ZRANB3: variants seen among roughly 807,000 people sequenced by gnomAD.
ZRANB3 encodes DNA annealing helicase and endonuclease ZRANB3.
ZRANB3 carries 125 observed loss-of-function variants against 133.8 expected under a neutral mutation model. The observed-to-expected ratio is 0.93, with a 90% CI of 0.81 to 1.08. The LOEUF (loss-of-function observed/expected upper bound fraction) is 1.08, where lower values mean the gene tolerates loss of function less well. ZRANB3 is among the 50% of genes least tolerant of loss of function. The probability of loss-of-function intolerance (pLI) is 0.00; values close to 1 mark genes in which losing one functional copy is unlikely to be tolerated. For synonymous variants in ZRANB3, 387 were observed against 432.7 expected (o/e 0.89, Z 1.31); for missense variants, 1,229 against 1,275.5 (o/e 0.96, Z 0.56).
intron 3 of ZRANB3, among the ~76,000 whole-genome samples, chr2:135,373,800 A>AGAGGGGGGGGGAGGGGAGGGGAGGG (rs1686290422): frequency 1.4e-4 from 2 of 14,168 alleles, no homozygotes; most frequent in East Asian, 1.7e-3. Context: ...AAGAAAAGAA[A>AGAGGGGGGGGGAGGGGAGGGGAGGG]GAGGGGAGGG....
intron 2 of ZRANB3, among the ~76,000 whole-genome samples, chr2:135,428,955 C>T (rs1689206358): frequency 6.6e-6 from 1 of 152,140 alleles, no homozygotes; most frequent in South Asian, 2.1e-4. Flanking sequence ...ATTAGTTCAG[C>T]CACTGTGGAA....
intron 8 of ZRANB3, among the ~76,000 whole-genome samples, chr2:135,296,996 T>C (rs1301872567): frequency 6.6e-6 from 1 of 152,258 alleles, no homozygotes; most frequent in Non-Finnish European, 1.5e-5. Flanking sequence ...TACTGGGGGC[T>C]GCCTCCCAGT....
At chr2:135,510,040 A>T (rs1220901315) in intron 1 of ZRANB3, among the ~76,000 whole-genome samples, 1 of 152,218 alleles carries the variant, frequency 6.6e-6, no homozygotes, top group Non-Finnish European at 1.5e-5. Context: ...TTCCAATGGC[A>T]ATTTCTCCAC....
chr2:135,367,727 T>C (rs1361820976), intron 3 of ZRANB3, among the ~76,000 whole-genome samples: 3 of 152,168 alleles, frequency 2.0e-5, no homozygotes, highest in African/African-American at 7.2e-5. Flanking sequence ...CTTTTCCCTA[T>C]AATGCAATGT....
intron 8 of ZRANB3, among the ~76,000 whole-genome samples, chr2:135,305,960 T>C (rs1682671738): frequency 6.6e-6 from 1 of 152,208 alleles, no homozygotes; most frequent in African/African-American, 2.4e-5. Context: ...GCTTTTACTC[T>C]GTTGAACATT....
At chr2:135,449,385 C>G (rs2105003049) in intron 2 of ZRANB3, among the ~76,000 whole-genome samples, 1 of 152,200 alleles carries the variant, frequency 6.6e-6, no homozygotes, top group Admixed American at 6.5e-5. Flanking sequence ...TTTGGGAGGC[C>G]AAGGTGGGCG....
chr2:135,418,318 C>T (rs899582074), intron 2 of ZRANB3, among the ~76,000 whole-genome samples: 1 of 152,128 alleles, frequency 6.6e-6, no homozygotes, highest in Non-Finnish European at 1.5e-5. Flanking sequence ...GTTTTCGTAT[C>T]CACTGGAGTA....
Position 135,504,580 on chromosome 2 carries a change from A to T in ZRANB3, c.-7-84T>A. The T allele has an allele frequency of 2.5e-6, 3 of 1,187,446 alleles. No individual in the cohort carries two copies. The South Asian group carries it at 5.4e-5, about 21-fold the overall frequency. The allele number at this position is 1,187,446 out of a possible 1,614,324, so 73.6% of individuals were successfully genotyped here. On this transcript the variant is annotated intron_variant, in intron 1 of 20. Coordinates refer to ENST00000264159, the MANE Select transcript of ZRANB3 (RefSeq NM_032143.4). ...TGTTACAGAATCACATATAAATAATATTAAAGTACTTATAAATAGCTTTGA... is the reference window on the plus strand; with the variant it reads ...TGTTACAGAATCACATATAAATAATTTTAAAGTACTTATAAATAGCTTTGA...
intron 2 of ZRANB3, among the ~76,000 whole-genome samples, chr2:135,477,060 C>CT (rs1415719670): frequency 1.3e-5 from 2 of 152,190 alleles, no homozygotes; most frequent in African/African-American, 4.8e-5. Flanking sequence ...GTTTTAAACT[C>CT]TTATCATATT....
intron 2 of ZRANB3, among the ~76,000 whole-genome samples, chr2:135,447,472 G>C (rs1690074802): frequency 6.6e-6 from 1 of 151,976 alleles, no homozygotes; most frequent in African/African-American, 2.4e-5. Context: ...CATTCTCTAT[G>C]TTTCTCAGAA....
Position 135,197,118 on chromosome 2 carries a change from A to G in ZRANB3, c.*3224T>C, listed in dbSNP as rs1693441131. 1 of 152,230 alleles carries G rather than the reference A, an allele frequency of 6.6e-6. No individual in the cohort carries two copies. The highest frequency in any genetic ancestry group is 6.5e-5 in the Admixed American group (1 of 15,278). 9.4% of individuals were successfully genotyped at this position (152,230 alleles called of 1,614,324 possible). ...CCCTTTCTGGTAGTTGGATATTCAG[A>G]TAGATTAGTGCAGTGACTAGGAGCC... On this transcript the variant is annotated 3_prime_UTR_variant, in exon 21 of 21. Transcript: ENST00000264159.
intron 8 of ZRANB3, among the ~76,000 whole-genome samples, chr2:135,310,266 C>A (rs1293748589): frequency 1.3e-5 from 2 of 152,076 alleles, no homozygotes; most frequent in African/African-American, 4.8e-5. Flanking sequence ...CTACAGTAAT[C>A]AAGCCATTGT....
chr2:135,407,046 A>T (rs1279288572), intron 2 of ZRANB3, among the ~76,000 whole-genome samples: 6 of 152,328 alleles, frequency 3.9e-5, no homozygotes, highest in South Asian at 2.1e-4. Flanking sequence ...CTGTTTGCAG[A>T]TGACATGATT....
intron 2 of ZRANB3, among the ~76,000 whole-genome samples, chr2:135,435,039 G>C (rs1689474186): frequency 6.6e-6 from 1 of 151,518 alleles, no homozygotes; most frequent in Non-Finnish European, 1.5e-5. Context: ...GTTTGTTACA[G>C]AGGTAAACAT....
At chr2:135,314,052 C>T (rs1164811731) in intron 7 of ZRANB3, among the ~76,000 whole-genome samples, 1 of 152,116 alleles carries the variant, frequency 6.6e-6, no homozygotes, top group Non-Finnish European at 1.5e-5. Flanking sequence ...TTAGTAGAGA[C>T]AGGGTTTCTC....
chr2:135,340,217 T>C (rs1442351258), intron 6 of ZRANB3, among the ~76,000 whole-genome samples: 1 of 151,512 alleles, frequency 6.6e-6, no homozygotes, highest in Non-Finnish European at 1.5e-5. Context: ...GTGATTCTCC[T>C]GCCTCAGCCT....
chr2:135,211,694 A>AGGAT (rs140988924), intron 17 of ZRANB3, among the ~76,000 whole-genome samples: 29,888 of 152,068 alleles, frequency 0.2, 3,958 homozygotes, highest in African/African-American at 0.35. Context: ...TTTCCTTATT[A>AGGAT]TCATAGTTTC....
intron 8 of ZRANB3, among the ~76,000 whole-genome samples, chr2:135,286,090 A>C (rs1681349855): frequency 6.6e-6 from 1 of 151,968 alleles, no homozygotes; most frequent in South Asian, 2.1e-4. Context: ...TTATTTTATT[A>C]GGTTTTTGGG....
intron 3 of ZRANB3, among the ~76,000 whole-genome samples, chr2:135,382,556 T>C (rs1408474501): frequency 6.6e-6 from 1 of 151,824 alleles, no homozygotes. Context: ...TTCACCAAAG[T>C]TGAAATGAAG....
Sources: allele counts gnomAD v4.1 joint callset (sites outside exome capture counted in the v4.1 genomes callset), GRCh38; gene constraint gnomAD v4.1.1; transcripts MANE v1.5; gene names NCBI Gene and HGNC (gene_info 2026-07-23, HGNC 2026-07-21).